P2RX7: variants seen among roughly 807,000 people sequenced by gnomAD.
The protein encoded by P2RX7 is purinergic receptor P2X 7.
P2RX7 carries 62 observed loss-of-function variants against 71.6 expected under a neutral mutation model. The observed-to-expected ratio is 0.87, with a 90% CI of 0.71 to 1.07. The LOEUF (loss-of-function observed/expected upper bound fraction) is 1.07, where lower values mean the gene tolerates loss of function less well. Ranked by LOEUF, P2RX7 falls within the 50% of genes least tolerant of loss-of-function variation. The pLI, the probability that P2RX7 is intolerant of heterozygous loss-of-function variation, is 0.00. For synonymous variants in P2RX7, 299 were observed against 283.3 expected, an observed-to-expected ratio of 1.06 and a Z score of -0.56; for missense variants, 686 against 748.5, an observed-to-expected ratio of 0.92 and a Z score of 0.97.
chr12:121,167,208 T>C (rs1881257643), intron 7 of P2RX7, among the ~76,000 whole-genome samples: 1 of 152,060 alleles, frequency 6.6e-6, no homozygotes, highest in Non-Finnish European at 1.5e-5. Flanking sequence ...GTGGGGGGCA[T>C]TAAAGGTGTT....
chr12:121,159,828 G>C lies in P2RX7; in HGVS notation c.364-1074G>C, dbSNP rs1718162. 8.2e-4 allele frequency among the ~76,000 whole-genome samples: 125 copies of C among 152,124 alleles called. 1 individual carries two copies. In the South Asian group the frequency reaches 0.022, roughly 27 times the overall value. On this transcript the variant is annotated intron_variant, in intron 3 of 12. Coordinates refer to ENST00000328963, the MANE Select transcript of P2RX7 (RefSeq NM_002562.6). ...GTTCCATGTGTCCTGCTGAGTCTCC[G>C]CACCTGTTTGCCCTGCTCAGTCCTT...
intron 8 of P2RX7, among the ~76,000 whole-genome samples, chr12:121,173,087 G>A (rs1421891832): frequency 1.3e-5 from 2 of 152,116 alleles, no homozygotes; most frequent in African/African-American, 4.8e-5. Context: ...TGCATATCAC[G>A]GGTGACTGTG....
chr12:121,159,931 C>T (rs1302522701), intron 3 of P2RX7, among the ~76,000 whole-genome samples: 1 of 152,192 alleles, frequency 6.6e-6, no homozygotes, highest in Non-Finnish European at 1.5e-5. Context: ...CCTAGCTTCC[C>T]AGACCTCTGC....
At chr12:121,155,380 T>G in intron 2 of P2RX7, 3 of 1,291,756 alleles carry the variant, frequency 2.3e-6, no homozygotes, top group Non-Finnish European at 3.0e-6. Context: ...CTTGGGTACA[T>G]TTTTCCACAA....
At chr12:121,162,158 AC>A (rs944997694) in intron 4 of P2RX7, 1 of 1,072,980 alleles carries the variant, frequency 9.3e-7, no homozygotes, top group South Asian at 1.8e-5. Context: ...CCTCATGGGC[AC>A]CTTTTCTTAT....
At chr12:121,160,130 CT>C (rs1407011704) in intron 3 of P2RX7, among the ~76,000 whole-genome samples, 2 of 140,720 alleles carry the variant, frequency 1.4e-5, no homozygotes, top group Non-Finnish European at 3.1e-5. Context: ...CTTTCTTTTT[CT>C]TTCTTTCTTC....
chr12:121,133,167 C>G, intron 1 of P2RX7, 72 bp downstream of exon 1: 1 of 1,539,022 alleles, frequency 6.5e-7, no homozygotes, highest in Non-Finnish European at 9.0e-7. Context: ...CGGGCAGCTT[C>G]AGGTGCACAT....
intron 2 of P2RX7, 97 bp from the exon 3 acceptor site, chr12:121,155,982 G>A: frequency 9.2e-7 from 1 of 1,092,846 alleles, no homozygotes; most frequent in Non-Finnish European, 1.4e-6. Flanking sequence ...TAGAAGCTTA[G>A]AAAAGTGGAG....
chr12:121,181,034 C>G (rs1383733916), intron 12 of P2RX7, among the ~76,000 whole-genome samples: 1 of 152,060 alleles, frequency 6.6e-6, no homozygotes, highest in Non-Finnish European at 1.5e-5. Flanking sequence ...CCAGGCTGGT[C>G]TCAAGCAGTC....
intron 8 of P2RX7, among the ~76,000 whole-genome samples, chr12:121,170,457 C>T (rs1288561460): frequency 6.6e-6 from 1 of 152,130 alleles, no homozygotes; most frequent in Non-Finnish European, 1.5e-5. Flanking sequence ...GGAATGAGCA[C>T]CAGAAGAAAT....
intron 4 of P2RX7, among the ~76,000 whole-genome samples, chr12:121,161,187 A>C (rs893413238): frequency 2.0e-5 from 3 of 152,134 alleles, no homozygotes; most frequent in South Asian, 2.1e-4. Context: ...GTGAGAGAAG[A>C]AGCTCCTAAA....
In P2RX7 at chr12:121,133,340, C is replaced by T. The variant is rs745908875; in HGVS notation, c.125+245C>T. Among the ~76,000 whole-genome samples the T allele has an allele frequency of 3.3e-4, 50 of 152,256 alleles. 1 individual carries two copies. The highest frequency in any genetic ancestry group is 1.0e-3 in the Admixed American group (16 of 15,292). ...CTGCTCTACTTCAGGCCCGCCAGGGCGCGCAGGGCAGGGCGTGCCTGGGGA... is the reference window on the plus strand; with the variant it reads ...CTGCTCTACTTCAGGCCCGCCAGGGTGCGCAGGGCAGGGCGTGCCTGGGGA... On this transcript the variant is annotated intron_variant, in intron 1 of 12. Transcript: ENST00000328963.
intron 4 of P2RX7, 39 bp from the exon 5 acceptor site, chr12:121,162,385 T>C (rs748069657): frequency 6.2e-7 from 1 of 1,612,268 alleles, no homozygotes; most frequent in Non-Finnish European, 8.5e-7. Flanking sequence ...TCCGCAGTTC[T>C]TTCACATCTG....
chr12:121,136,023 A>AATATATATATATATATATAT (rs1555222078), intron 1 of P2RX7, among the ~76,000 whole-genome samples: 12 of 15,234 alleles, frequency 7.9e-4, no homozygotes, highest in Non-Finnish European at 1.5e-3. Flanking sequence ...AAAAAAAAAA[A>AATATATATATATATATATAT]ATATATATAT....
intron 1 of P2RX7, among the ~76,000 whole-genome samples, chr12:121,151,780 C>T (rs1324239844): frequency 2.0e-5 from 3 of 152,044 alleles, no homozygotes; most frequent in African/African-American, 4.8e-5. Context: ...AGTCACTCCC[C>T]ATTTCTTCCC....
intron 8 of P2RX7, among the ~76,000 whole-genome samples, chr12:121,173,478 A>G (rs1653603): frequency 0.39 from 59,061 of 151,922 alleles, 11,931 homozygotes; most frequent in African/African-American, 0.45. Flanking sequence ...GAGCCATTGC[A>G]CCTGGCCAAG....
chr12:121,168,673 C>A (rs1881607570), intron 8 of P2RX7, among the ~76,000 whole-genome samples: 1 of 152,124 alleles, frequency 6.6e-6, no homozygotes, highest in African/African-American at 2.4e-5. Flanking sequence ...TGCCCAAGAC[C>A]CACAGCTGAT....
rs940080307 is a variant in P2RX7, at chr12:121,154,935, C to T, written c.276C>T (p.Asp92=). 1 of 1,614,016 alleles carries T rather than the reference C, an allele frequency of 6.2e-7. No homozygotes were observed. Among genetic ancestry groups the T allele is most frequent in the Non-Finnish European group, 8.5e-7 (1 of 1,179,958 alleles). ...KLVHSVFDTA[D]YTFPLQGNSF... is the part of the protein sequence containing the mutation. ...TGCACAGTGTCTTTGACACCGCAGA[C>T]TACACCTTCCCTTTGCAGGTGAGCA... The change falls in exon 2 of 13, where the codon GAC becomes GAT. Residue 92 remains aspartate (D), a synonymous_variant. Transcript: ENST00000328963. This position sits in a 1 kb window ranked among gnomAD's most constrained non-coding sequence, Gnocchi z 4.2.
intron 12 of P2RX7, 42 bp from the exon 13 acceptor site, chr12:121,184,263 G>C (rs146840242): frequency 6.5e-7 from 1 of 1,532,500 alleles, no homozygotes; most frequent in East Asian, 2.3e-5. Context: ...TAGAACCTGA[G>C]GGCTTGTCAT....
Sources: gnomAD v4.1 joint callset for allele counts (sites outside exome capture counted in the v4.1 genomes callset) on GRCh38, gnomAD v4.1.1 for gene constraint, Gnocchi (gnomAD v3.1) non-coding constraint, MANE v1.5 for transcripts, NCBI Gene and HGNC (gene_info 2026-07-23, HGNC 2026-07-21) for gene names.